Variants in FCN3 observed in about 807,000 individuals in gnomAD.
The protein encoded by FCN3 is ficolin-3.
In FCN3, 28 loss-of-function variants were observed where a neutral mutation model predicts 31.5. The ratio of observed to expected loss-of-function variants is 0.89; its 90% confidence interval spans 0.66 to 1.22. The LOEUF (loss-of-function observed/expected upper bound fraction) is 1.22, where lower values mean the gene tolerates loss of function less well. Among genes scored for constraint, FCN3 ranks in the 50% most tolerant of loss-of-function variants. FCN3 has a pLI of 0.00. For missense variants in FCN3, 351 were observed against 386.8 expected (o/e 0.91, Z 0.78); for synonymous variants, 124 against 147.4 (o/e 0.84, Z 1.15).
At position 27,369,492 on chromosome 1, in the gene FCN3, A is replaced by T. The variant is rs1180276582; in HGVS notation, c.659-15T>A. 4.3e-6 allele frequency: 7 copies of T among 1,611,674 alleles called. No individual in the cohort carries two copies. Among genetic ancestry groups the T allele is most frequent in the Non-Finnish European group, 5.9e-6 (7 of 1,177,958 alleles). On this transcript the variant is annotated splice_polypyrimidine_tract_variant and intron_variant, in intron 7 of 7. Coordinates refer to ENST00000270879, the MANE Select transcript of FCN3 (RefSeq NM_003665.4). ...CAGGGAATCCCCTAGCAGGGAAGGG[A>T]TGGAAAGCACCTTGGTGCCCAGCAC...
rs773327605 is a variant in FCN3, at chr1:27,370,925, C to T, written c.441G>A (p.Trp147Ter). ...TCCCAAAACCTGCTCTGTAGGAGGA[C>T]CAAGAGCGGAAGAAATCCACAGAAC... Reference protein sequence around the residue: ...QDGSVDFFRSWSSYRAGFGNQ... With the variant: ...QDGSVDFFRS The change falls in exon 6 of 8, where the codon TGG (tryptophan) becomes TGA (stop). Residue 147 changes from tryptophan (W) to a stop codon, truncating the protein, a stop_gained. Transcript: ENST00000270879. LOFTEE classifies it high-confidence loss of function. The T allele has an allele frequency of 6.2e-7, 1 of 1,613,752 alleles. No individual in the cohort carries two copies. Among genetic ancestry groups the T allele is most frequent in the Non-Finnish European group, 8.5e-7 (1 of 1,179,968 alleles).
Position 27,374,406 on chromosome 1 carries a change from C to T in FCN3, c.137G>A (p.Cys46Tyr). Residue 46 changes from cysteine to tyrosine, a missense_variant, in exon 2 of 8, where the codon TGT becomes TAT. Cys to Tyr is a radical substitution (Grantham distance 194, BLOSUM62 -2). Transcript: ENST00000270879. ...CCCAGGACTTCCTGGAGCTCCGGGA[C>T]AACTGGGCAGGAGGACAACTTTGCT... The part of the protein sequence containing the change: ...EASKVVLLPS[C>Y]PGAPGSPGEK... The T allele has an allele frequency of 6.2e-7, 1 of 1,613,968 alleles. No homozygotes were observed. The highest frequency in any genetic ancestry group is 8.5e-7 in the Non-Finnish European group (1 of 1,179,952).
chr1:27,374,351 C>T lies in FCN3; in HGVS notation c.187+5G>A. The T allele has an allele frequency of 6.2e-7, 1 of 1,606,760 alleles. No individual in the cohort carries two copies. The highest frequency in any genetic ancestry group is 8.5e-7 in the Non-Finnish European group (1 of 1,173,716). ...GATCCCAGCCCGCTCCCCAGCCCCTCTCACCTTGAGGACCTGGGGCTCCCT... is the reference window on the plus strand; with the variant it reads ...GATCCCAGCCCGCTCCCCAGCCCCTTTCACCTTGAGGACCTGGGGCTCCCT... On this transcript the variant is annotated splice_donor_5th_base_variant and intron_variant, in intron 2 of 7. Coordinates refer to ENST00000270879, the MANE Select transcript of FCN3 (RefSeq NM_003665.4).
chr1:27,370,305 G>A (rs960334766), intron 7 of FCN3, among the ~76,000 whole-genome samples: 1 of 151,810 alleles, frequency 6.6e-6, no homozygotes, highest in African/African-American at 2.4e-5. Flanking sequence ...CACCGTGCCC[G>A]GCCTCCCTGC....
chr1:27,372,554 C>T (rs1008752335), intron 5 of FCN3, among the ~76,000 whole-genome samples: 3 of 152,154 alleles, frequency 2.0e-5, no homozygotes, highest in Non-Finnish European at 2.9e-5. Flanking sequence ...AGCCAACCAC[C>T]GCGTCTGGGC....
intron 5 of FCN3, among the ~76,000 whole-genome samples, chr1:27,371,524 C>G (rs957177166): frequency 1.3e-5 from 2 of 150,640 alleles, no homozygotes; most frequent in African/African-American, 4.9e-5. Context: ...TGCAGTGAGC[C>G]GAGATCACAC....
Position 27,369,430 on chromosome 1 carries a change from C to T in FCN3, c.706G>A (p.Ala236Thr), listed in dbSNP as rs143220107. ...HSGRPFTTYD[A>T]DHDSSNSNCA... ...TTGCTGTTGCTTGAATCGTGGTCAGCGTCATAGGTGGTAAAGGGCCTCCCA... is the reference window on the plus strand; with the variant it reads ...TTGCTGTTGCTTGAATCGTGGTCAGTGTCATAGGTGGTAAAGGGCCTCCCA... The change falls in exon 8 of 8, where the codon GCT becomes ACT. Residue 236 changes from alanine to threonine, a missense_variant. By Grantham distance (58) the Ala-to-Thr change is moderately conservative (BLOSUM62 0). Transcript: ENST00000270879. 7.4e-6 allele frequency: 12 copies of T among 1,614,176 alleles called. No individual in the cohort carries two copies. Among genetic ancestry groups the T allele is most frequent in the East Asian group, 4.5e-5 (2 of 44,894 alleles).
chr1:27,372,306 G>A (rs2016161308), intron 5 of FCN3, among the ~76,000 whole-genome samples: 3 of 149,604 alleles, frequency 2.0e-5, no homozygotes. Context: ...GGAGTGCAGT[G>A]ACTCAATCTT....
intron 5 of FCN3, among the ~76,000 whole-genome samples, chr1:27,372,771 C>CTTTTTTT (rs1227181271): frequency 8.4e-5 from 5 of 59,878 alleles, no homozygotes; most frequent in Non-Finnish European, 1.3e-4. Context: ...CCTCCCTACC[C>CTTTTTTT]TATTTTTTTT....
intron 2 of FCN3, 99 bp downstream of exon 2, chr1:27,374,256 TC>T: frequency 1.2e-6 from 1 of 854,870 alleles, no homozygotes; most frequent in Non-Finnish European, 1.9e-6. Flanking sequence ...CAGAGTAGGT[TC>T]CTTGCTCCTT....
chr1:27,373,365 C>CT, intron 4 of FCN3, 102 bp from the exon 5 acceptor site: 2 of 1,597,424 alleles, frequency 1.3e-6, no homozygotes, highest in Non-Finnish European at 1.7e-6. Context: ...CTCTTGGCTC[C>CT]TTCAGGTCCC....
chr1:27,370,605 C>G lies in FCN3; in HGVS notation c.649G>C (p.Gly217Arg), dbSNP rs149734712. ...CCTTAGGCTCACTCACCTGCAGTGC[C>G]CTCTGAGAACTTGCCCAGTGCCAGC... ...YQLALGKFSE[G>R]TAGDSLSLHS... The change falls in exon 7 of 8, where the codon GGC (glycine) becomes CGC (arginine). Residue 217 changes from glycine (G) to arginine (R), a missense_variant. Transcript: ENST00000270879. 3.0e-5 allele frequency: 48 copies of G among 1,614,030 alleles called. No homozygotes were observed. In the African/African-American group the frequency reaches 5.3e-4, roughly 18 times the overall value.
chr1:27,373,870 GC>G, intron 3 of FCN3, 94 bp downstream of exon 3: 1 of 1,071,588 alleles, frequency 9.3e-7, no homozygotes, highest in Non-Finnish European at 1.4e-6. Flanking sequence ...CTGTGAGAGA[GC>G]CATCATAGGC....
chr1:27,369,344 A>T lies in FCN3; in HGVS notation c.792T>A (p.Asn264Lys). Reference sequence around the variant, plus strand: ...CAGCCTCAGACACTGCATAGCGACCATTGAGATTTGATCGGTAACAGGATG... The same window carrying T: ...CAGCCTCAGACACTGCATAGCGACCTTTGAGATTTGATCGGTAACAGGATG... ...WYASCYRSNL[N>K]GRYAVSEAAA... Residue 264 changes from asparagine to lysine, a missense_variant, in exon 8 of 8, where the codon AAT becomes AAA. Transcript: ENST00000270879. 6.2e-7 allele frequency: 1 copy of T among 1,614,240 alleles called. No individual in the cohort carries two copies. The highest frequency in any genetic ancestry group is 8.5e-7 in the Non-Finnish European group (1 of 1,180,038).
chr1:27,373,187 G>GC lies in FCN3; in HGVS notation c.341dup (p.Arg115GlnfsTer8). ...TGTCACAAAAGACTGGGAGGGCCCT[G>GC]CCCTCAGGTAGGCACAGATGGTACC... On this transcript the variant is annotated frameshift_variant, in exon 5 of 8. Transcript: ENST00000270879. LOFTEE classifies it high-confidence loss of function. 1 of 1,614,062 alleles carries GC rather than the reference G, an allele frequency of 6.2e-7. No homozygotes were observed. Among genetic ancestry groups the GC allele is most frequent in the East Asian group, 2.2e-5 (1 of 44,872 alleles).
intron 5 of FCN3, among the ~76,000 whole-genome samples, chr1:27,371,745 T>C (rs2016151966): frequency 6.6e-6 from 1 of 152,108 alleles, no homozygotes; most frequent in South Asian, 2.1e-4. Context: ...TTTCCATTGC[T>C]CCACTGTCTT....
At position 27,369,191 on chromosome 1, in the gene FCN3, C is replaced by A; in HGVS notation, c.*45G>T. On this transcript the variant is annotated 3_prime_UTR_variant, in exon 8 of 8. Coordinates refer to ENST00000270879, the MANE Select transcript of FCN3 (RefSeq NM_003665.4). Reference sequence around the variant, plus strand: ...GGCAAAGGCAAGGTGGCTGACGATCCGGAAGCTGTACAGGAGAGATAAGGG... The same window carrying A: ...GGCAAAGGCAAGGTGGCTGACGATCAGGAAGCTGTACAGGAGAGATAAGGG... 6.3e-7 allele frequency: 1 copy of A among 1,598,918 alleles called. No homozygotes were observed. Among genetic ancestry groups the A allele is most frequent in the Non-Finnish European group, 8.6e-7 (1 of 1,167,910 alleles).
At chr1:27,374,572 G>T (rs550830875) in intron 1 of FCN3, 121 bp from the exon 2 acceptor site, 7 of 799,454 alleles carry the variant, frequency 8.8e-6, no homozygotes, top group African/African-American at 7.0e-5. Context: ...AGCTGGCAAG[G>T]TTTCGTGTGC....
Position 27,374,782 on chromosome 1 carries a change from G to T in FCN3, c.37C>A (p.Leu13Ile). The T allele has an allele frequency of 7.2e-7, 1 of 1,390,856 alleles. No homozygotes were observed. The highest frequency in any genetic ancestry group is 2.7e-5 in the East Asian group (1 of 37,298). 86.2% of individuals were successfully genotyped at this position (1,390,856 alleles called of 1,614,324 possible). A position where few individuals can be genotyped will look rare whatever the true frequency, so the allele number is the denominator to read the frequency against. The change falls in exon 1 of 8, where the codon CTC (leucine) becomes ATC (isoleucine). Residue 13 changes from leucine to isoleucine, a missense_variant. Transcript: ENST00000270879. ...LLWILPSLWLLLLGGPACLKT... is the reference protein window; with the variant it reads ...LLWILPSLWLILLGGPACLKT... The stretch of plus-strand genomic sequence containing the variant: ...AGGCAGGCAGGCCCCCCAAGCAGGA[G>T]AAGCCACAGGGAGGGCAGGATCCAC...
Sources: allele counts gnomAD v4.1 joint callset (sites outside exome capture counted in the v4.1 genomes callset), GRCh38; gene constraint gnomAD v4.1.1; transcripts MANE v1.5; gene names NCBI Gene and HGNC (gene_info 2026-07-23, HGNC 2026-07-21).